The following ZNF322 variants were observed in gnomAD, a reference collection of about 807,000 sequenced individuals.
The protein encoded by ZNF322 is zinc finger protein 322, also known as HLA complex group 12.
Under a neutral mutation model 18.3 loss-of-function variants are expected in ZNF322, and 1 was observed. The observed-to-expected ratio is 0.05, with a 90% CI of 0.02 to 0.26. ZNF322 has a LOEUF of 0.26. ZNF322 is among the 10% of genes least tolerant of loss of function. ZNF322 has a pLI of 1.00. For missense variants in ZNF322, 36 were observed against 403.6 expected, an observed-to-expected ratio of 0.09 and a Z score of 7.80; for synonymous variants, 17 against 130.7, an observed-to-expected ratio of 0.13 and a Z score of 5.93.
chr6:26,649,675 G>GTGTATATATA (rs1465971500), intron 2 of ZNF322, among the ~76,000 whole-genome samples: 306 of 22,922 alleles, frequency 0.013, no homozygotes, highest in East Asian at 0.083. Context: ...GTGTGTGTGT[G>GTGTATATATA]TATATATATA....
intron 2 of ZNF322, among the ~76,000 whole-genome samples, chr6:26,644,287 G>C (rs1561922895): frequency 6.6e-6 from 1 of 152,186 alleles, no homozygotes; most frequent in African/African-American, 2.4e-5. Context: ...TCTTTCTCTA[G>C]AAGTTTTAAC....
At chr6:26,654,090 C>T (rs9379907) in intron 2 of ZNF322, among the ~76,000 whole-genome samples, 29,587 of 151,872 alleles carry the variant, frequency 0.19, 2,991 homozygotes, top group African/African-American at 0.24. Flanking sequence ...ATCCTAGGAC[C>T]GAATAAATAA....
chr6:26,653,891 C>T (rs572830751), intron 2 of ZNF322, among the ~76,000 whole-genome samples: 39 of 151,818 alleles, frequency 2.6e-4, no homozygotes, highest in Non-Finnish European at 4.6e-4. Context: ...ACTAAATAGT[C>T]AAGATGGAAG....
At chr6:26,644,552 T>C (rs1765522349) in intron 2 of ZNF322, among the ~76,000 whole-genome samples, 1 of 152,222 alleles carries the variant, frequency 6.6e-6, no homozygotes. Context: ...CTGGACAGAA[T>C]GTATGGCCCA....
At chr6:26,638,886 T>A (rs1765417457) in intron 3 of ZNF322, among the ~76,000 whole-genome samples, 158 bp from the exon 4 acceptor site, 3 of 152,228 alleles carry the variant, frequency 2.0e-5, no homozygotes, top group Admixed American at 6.5e-5. Flanking sequence ...TACTCTTTGC[T>A]AATATAAAAC....
At position 26,634,715 on chromosome 6, in the gene ZNF322, T is replaced by C. The variant is rs570911767; in HGVS notation, c.*2630A>G. On this transcript the variant is annotated 3_prime_UTR_variant, in exon 4 of 4. Transcript: ENST00000415922. ...CCCCCATAGTTCTCTGTTTGGGGGA[T>C]GGTCCATCATTAATTTACTTAAAAA... The C allele has an allele frequency of 1.8e-5, 1 of 57,126 alleles. No homozygotes were observed. Among genetic ancestry groups the C allele is most frequent in the African/African-American group, 7.3e-5 (1 of 13,726 alleles). The allele number at this position is 57,126 out of a possible 1,614,324, so 3.5% of individuals were successfully genotyped here.
chr6:26,644,536 T>C (rs1419459102), intron 2 of ZNF322, among the ~76,000 whole-genome samples: 1 of 152,206 alleles, frequency 6.6e-6, no homozygotes, highest in Non-Finnish European at 1.5e-5. Flanking sequence ...AATCCAACTA[T>C]GAAGTCTGGA....
intron 2 of ZNF322, among the ~76,000 whole-genome samples, chr6:26,649,695 ATATATATT>A (rs1765630823): frequency 1.9e-5 from 1 of 51,840 alleles, no homozygotes; most frequent in Non-Finnish European, 3.6e-5. Flanking sequence ...ATATATATAT[ATATATATT>A]TTTTTTTTTT....
chr6:26,645,471 T>C (rs2113664083), intron 2 of ZNF322, among the ~76,000 whole-genome samples: 1 of 151,552 alleles, frequency 6.6e-6, no homozygotes, highest in Non-Finnish European at 1.5e-5. Context: ...TAAGTATGTA[T>C]AGAAAAAAAA....
intron 3 of ZNF322, among the ~76,000 whole-genome samples, chr6:26,639,270 TG>T (rs1765424995): frequency 6.6e-6 from 1 of 152,162 alleles, no homozygotes; most frequent in Non-Finnish European, 1.5e-5. Context: ...CACGGTTCTG[TG>T]GAATATTAAA....
At position 26,638,673 on chromosome 6, in the gene ZNF322, G is replaced by A; in HGVS notation, c.-120C>T. On this transcript the variant is annotated 5_prime_UTR_variant, in exon 4 of 4. Coordinates refer to ENST00000415922, the MANE Select transcript of ZNF322 (RefSeq NM_024639.5). ...TCTGTTTCAGGCCTTTCAATCATGA[G>A]CCTCTACAAGTTTCCAGCATCATAT... 2 of 857,282 alleles carry A rather than the reference G, an allele frequency of 2.3e-6. No individual in the cohort carries two copies. The highest frequency in any genetic ancestry group is 3.7e-6 in the Non-Finnish European group (2 of 544,470). 53.1% of individuals were successfully genotyped at this position (857,282 alleles called of 1,614,324 possible). A position where few individuals can be genotyped will look rare whatever the true frequency, so the allele number is the denominator to read the frequency against.
intron 2 of ZNF322, chr6:26,650,383 A>G (rs1765646530): frequency 6.6e-6 from 1 of 152,212 alleles, no homozygotes; most frequent in Non-Finnish European, 1.5e-5. Context: ...CATCAGGAAC[A>G]AGGTAAGAAT....
chr6:26,652,486 C>A (rs972509757), intron 2 of ZNF322, among the ~76,000 whole-genome samples: 1 of 151,976 alleles, frequency 6.6e-6, no homozygotes. Context: ...GTGAGGAGTT[C>A]GAGATCAGCC....
intron 2 of ZNF322, among the ~76,000 whole-genome samples, chr6:26,644,306 T>C (rs1765517552): frequency 6.6e-6 from 1 of 152,184 alleles, no homozygotes; most frequent in African/African-American, 2.4e-5. Context: ...ACCTGCCTTA[T>C]CCTTAGGTTA....
chr6:26,640,715 A>G (rs1290577581), intron 3 of ZNF322, among the ~76,000 whole-genome samples: 5 of 152,186 alleles, frequency 3.3e-5, no homozygotes, highest in African/African-American at 1.2e-4. Context: ...CAGCACTCAG[A>G]AAAGTGCCTG....
intron 2 of ZNF322, among the ~76,000 whole-genome samples, chr6:26,650,802 G>A (rs1408104855): frequency 6.6e-6 from 1 of 152,126 alleles, no homozygotes; most frequent in Non-Finnish European, 1.5e-5. Context: ...TAAATAAATG[G>A]AGGGATATTC....
chr6:26,650,065 A>G (rs1765641247), intron 2 of ZNF322, among the ~76,000 whole-genome samples: 1 of 152,074 alleles, frequency 6.6e-6, no homozygotes, highest in African/African-American at 2.4e-5. Context: ...CTAAGAGAAA[A>G]TATTTGTAAC....
In ZNF322 at chr6:26,638,735, G is replaced by C. The variant is rs1765412155; in HGVS notation, c.-175-7C>G. 1 of 988,838 alleles carries C rather than the reference G, an allele frequency of 1.0e-6. No homozygotes were observed. Among genetic ancestry groups the C allele is most frequent in the African/African-American group, 1.6e-5 (1 of 61,096 alleles). The allele number at this position is 988,838 out of a possible 1,614,324, so 61.3% of individuals were successfully genotyped here. On this transcript the variant is annotated splice_polypyrimidine_tract_variant and splice_region_variant and intron_variant, in intron 3 of 3. Transcript: ENST00000415922. ...TTACTTGGTATTTCCAACCCTGTGA[G>C]ACAAAGTAGAAATATTATTTATATT...
In ZNF322 at chr6:26,636,812, A is replaced by C. The variant is rs1765362246; in HGVS notation, c.*533T>G. The stretch of plus-strand genomic sequence containing the variant: ...TCCAACGAATGCTTTTGCCATACTT[A>C]AGACAAATATACAATTTTTCACCAG... On this transcript the variant is annotated 3_prime_UTR_variant, in exon 4 of 4. Coordinates refer to ENST00000415922, the MANE Select transcript of ZNF322 (RefSeq NM_024639.5). 7.6e-6 allele frequency: 1 copy of C among 130,800 alleles called. No individual in the cohort carries two copies. The highest frequency in any genetic ancestry group is 1.6e-5 in the Non-Finnish European group (1 of 61,850). The allele number at this position is 130,800 out of a possible 1,614,324, so 8.1% of individuals were successfully genotyped here.
Sources: allele counts gnomAD v4.1 joint callset (sites outside exome capture counted in the v4.1 genomes callset), GRCh38; gene constraint gnomAD v4.1.1; transcripts MANE v1.5; gene names NCBI Gene and HGNC (gene_info 2026-07-23, HGNC 2026-07-21).